The following KIF24 variants were observed in gnomAD, a reference collection of about 807,000 sequenced individuals.
KIF24 encodes kinesin-like protein KIF24.
In KIF24, 81 loss-of-function variants were observed where a neutral mutation model predicts 118.9. The ratio of observed to expected loss-of-function variants is 0.68; its 90% confidence interval spans 0.57 to 0.82. KIF24 has a LOEUF of 0.82. KIF24 is among the 40% of genes least tolerant of loss of function. The pLI is 0.00. For synonymous variants in KIF24, 599 were observed against 610.0 expected, an observed-to-expected ratio of 0.98 and a Z score of 0.27; for missense variants, 1,560 against 1,661.6, an observed-to-expected ratio of 0.94 and a Z score of 1.06.
At chr9:34,298,992 T>G (rs1836590054) in intron 3 of KIF24, among the ~76,000 whole-genome samples, 1 of 152,072 alleles carries the variant, frequency 6.6e-6, no homozygotes, top group Non-Finnish European at 1.5e-5. Context: ...CTGTAATTAT[T>G]TCCATAATTT....
Position 34,311,359 on chromosome 9 carries a change from G to T in KIF24, c.-13C>A. 1 of 1,533,272 alleles carries T rather than the reference G, an allele frequency of 6.5e-7. No homozygotes were observed. The highest frequency in any genetic ancestry group is 8.8e-7 in the Non-Finnish European group (1 of 1,139,636). 95.0% of individuals were successfully genotyped at this position (1,533,272 alleles called of 1,614,324 possible). A position where few individuals can be genotyped will look rare whatever the true frequency, so the allele number is the denominator to read the frequency against. On this transcript the variant is annotated 5_prime_UTR_variant, in exon 2 of 13. Coordinates refer to ENST00000402558, the MANE Select transcript of KIF24 (RefSeq NM_194313.4). ...ACCAGGATGCCATTTTGGTGAATAGGTTTCTATAAACTCTGAAGAGAGAAA... is the reference window on the plus strand; with the variant it reads ...ACCAGGATGCCATTTTGGTGAATAGTTTTCTATAAACTCTGAAGAGAGAAA...
chr9:34,290,417 A>G (rs1836212807), intron 4 of KIF24, 28 bp from the exon 5 acceptor site: 1 of 1,387,390 alleles, frequency 7.2e-7, no homozygotes, highest in African/African-American at 1.4e-5. Flanking sequence ...TGCATTACTT[A>G]TGCATATTAA....
intron 1 of KIF24, among the ~76,000 whole-genome samples, chr9:34,325,622 G>C (rs1043103852): frequency 2.0e-5 from 3 of 151,828 alleles, no homozygotes; most frequent in African/African-American, 4.8e-5. Flanking sequence ...AACCTGGGAG[G>C]AAGAGGTTGC....
intron 1 of KIF24, among the ~76,000 whole-genome samples, chr9:34,315,936 G>A (rs898331424): frequency 2.7e-5 from 4 of 150,722 alleles, no homozygotes; most frequent in Non-Finnish European, 4.4e-5. Context: ...GGCTGAGGTA[G>A]GAGAATCACT....
intron 1 of KIF24, among the ~76,000 whole-genome samples, chr9:34,311,786 A>G (rs893406017): frequency 6.0e-5 from 9 of 149,276 alleles, no homozygotes; most frequent in Non-Finnish European, 8.9e-5. Context: ...ACACATATAT[A>G]TACACACACA....
chr9:34,295,194 T>TAGACAGACACAC (rs1554664266), intron 4 of KIF24, among the ~76,000 whole-genome samples: 1 of 149,578 alleles, frequency 6.7e-6, no homozygotes, highest in Non-Finnish European at 1.5e-5. Context: ...GATGGATGGA[T>TAGACAGACACAC]AGACAGACAG....
Position 34,257,292 on chromosome 9 carries a change from T to C in KIF24, c.2315A>G (p.Gln772Arg), listed in dbSNP as rs982383284. 5.0e-6 allele frequency: 8 copies of C among 1,614,048 alleles called. No homozygotes were observed. The Admixed American group carries it at 8.3e-5, about 17-fold the overall frequency. The change falls in exon 11 of 13, where the codon CAA becomes CGA. Residue 772 changes from glutamine to arginine, a missense_variant. Physicochemically the swap from Gln to Arg is conservative, Grantham distance 43. This residue lies in a region of KIF24 where 964 missense variants were observed against 988.0 expected (regional missense o/e 0.98). Transcript: ENST00000402558. ...EHLRFYHQQF[Q>R]QPPLLQQKLK... is the part of the protein sequence containing the mutation. ...CTTCTGTTGGAGGAGAGGTGGCTGT[T>C]GGAACTGCTGGTGATAGAAACGCAG...
chr9:34,266,121 G>A (rs192959425), intron 8 of KIF24, among the ~76,000 whole-genome samples: 55 of 152,238 alleles, frequency 3.6e-4, no homozygotes, highest in African/African-American at 1.3e-3. Flanking sequence ...TCAAACTCCT[G>A]GGCTCGAGTG....
At chr9:34,306,215 T>C in intron 3 of KIF24, 37 bp downstream of exon 3, 2 of 1,363,172 alleles carry the variant, frequency 1.5e-6, no homozygotes, top group Non-Finnish European at 2.0e-6. Context: ...ACATACTTGA[T>C]AATATTAGTT....
intron 9 of KIF24, among the ~76,000 whole-genome samples, chr9:34,262,344 C>G (rs191472163): frequency 1.5e-4 from 23 of 152,152 alleles, no homozygotes; most frequent in African/African-American, 5.5e-4. Context: ...TCTGCCCCTT[C>G]CTAAAGTCCT....
intron 2 of KIF24, among the ~76,000 whole-genome samples, chr9:34,308,387 G>A (rs941294140): frequency 4.0e-5 from 6 of 151,736 alleles, no homozygotes; most frequent in Admixed American, 1.3e-4. Context: ...GGGTTCAAGC[G>A]ATTTTCCTAC....
chr9:34,259,648 G>C lies in KIF24; in HGVS notation c.1573C>G (p.Pro525Ala), dbSNP rs555659665. ...AKTCMIANIS[P>A]SHVATEHTLN... ...GTGTGTTCAGTGGCCACGTGGCTTG[G>C]TGAGATGTTGGCGATCATGCAGGTT... The change falls in exon 10 of 13, where the codon CCA (proline) becomes GCA (alanine). Residue 525 changes from proline (P) to alanine (A), a missense_variant. Coordinates refer to ENST00000402558, the MANE Select transcript of KIF24 (RefSeq NM_194313.4). The C allele has an allele frequency of 3.1e-6, 5 of 1,613,964 alleles. No homozygotes were observed. The South Asian group carries it at 5.5e-5, about 18-fold the overall frequency.
In KIF24 at chr9:34,257,193, G is replaced by A. The variant is rs373496914; in HGVS notation, c.2414C>T (p.Pro805Leu). 2.0e-5 allele frequency: 32 copies of A among 1,614,022 alleles called. No homozygotes were observed. In the Middle Eastern group the frequency reaches 4.9e-4, roughly 25 times the overall value. Residue 805 changes from proline (P) to leucine (L), a missense_variant, in exon 11 of 13, where the codon CCG becomes CTG. Physicochemically the swap from Pro to Leu is moderately conservative, Grantham distance 98. Transcript: ENST00000402558. ...TTCAGAGTAAGAGTGGAACAGAGGC[G>A]GAGTCTCATTCGTGAGCTGACCCTC... The part of the protein sequence containing the change: ...PPEGQLTNET[P>L]PLFHSYSENH...
rs1398874290 is a variant in KIF24, at chr9:34,268,512, T to TC, written c.1443+744_1443+745insG. The stretch of plus-strand genomic sequence containing the variant: ...CATGATGACTAGGATTTTCTTTCTT[T>TC]TTTTTTTTTTTTTGAGACTGAGTCT... On this transcript the variant is annotated intron_variant, in intron 8 of 12. Coordinates refer to ENST00000402558, the MANE Select transcript of KIF24 (RefSeq NM_194313.4). 6.7e-4 allele frequency among the ~76,000 whole-genome samples: 99 copies of TC among 147,060 alleles called. 1 individual carries two copies. Among genetic ancestry groups the TC allele is most frequent in the African/African-American group, 2.4e-3 (94 of 39,634 alleles).
chr9:34,280,652 C>G (rs1587933635), intron 6 of KIF24, among the ~76,000 whole-genome samples: 1 of 152,238 alleles, frequency 6.6e-6, no homozygotes, highest in South Asian at 2.1e-4. Flanking sequence ...TGTTCTGTAC[C>G]TACCTTTGCA....
rs1350488845 is a variant in KIF24, at chr9:34,318,158, A to G, written c.-25-6787T>C. Among the ~76,000 whole-genome samples, 1 of 151,920 alleles carries G rather than the reference A, an allele frequency of 6.6e-6. No homozygotes were observed. Among genetic ancestry groups the G allele is most frequent in the Non-Finnish European group, 1.5e-5 (1 of 67,998 alleles). ...GTGGTTTAACAAGATAAATACATGA[A>G]TAATGCAGCCTGGGCAACATAGTGA... On this transcript the variant is annotated intron_variant, in intron 1 of 12. Coordinates refer to ENST00000402558, the MANE Select transcript of KIF24 (RefSeq NM_194313.4). This position sits in a 1 kb window ranked among gnomAD's most constrained non-coding sequence, Gnocchi z 4.9.
rs945677259 is a variant in KIF24 at position 34,313,760 on chromosome 9, T to G, written c.-25-2389A>C. On this transcript the variant is annotated intron_variant, in intron 1 of 12. Coordinates refer to ENST00000402558, the MANE Select transcript of KIF24 (RefSeq NM_194313.4). ...TCTGTTTTTTTTTTTTTGTTTTTTT[T>G]TTTTTGAGGGATGGTCTTGCTCTGT... is the stretch of plus-strand genomic sequence containing the variant. 1.2e-4 allele frequency among the ~76,000 whole-genome samples: 18 copies of G among 150,366 alleles called. No individual in the cohort carries two copies. The South Asian group carries it at 2.5e-3, about 21-fold the overall frequency.
At chr9:34,300,062 A>G (rs559881469) in intron 3 of KIF24, among the ~76,000 whole-genome samples, 1 of 152,286 alleles carries the variant, frequency 6.6e-6, no homozygotes, top group African/African-American at 2.4e-5. Flanking sequence ...CTCTACCCCC[A>G]GTTTGAATCT....
rs371161721 is a variant in KIF24 at position 34,255,097 on chromosome 9, G to A, written c.3941C>T (p.Thr1314Met). The stretch of plus-strand genomic sequence containing the variant: ...ATTAGAAGCCAGCTGGCTCATCAGC[G>A]TCTCCTCCTTGAAGCCGAGCTCAGC... ...EMAELGFKEE[T>M]LMSQLASNDF... The change falls in exon 12 of 13, where the codon ACG becomes ATG. Residue 1314 changes from threonine (T) to methionine (M), a missense_variant. Thr to Met is a moderately conservative substitution (Grantham distance 81). This residue lies in a region of KIF24 where 591 missense variants were observed against 655.6 expected (regional missense o/e 0.90). Coordinates refer to ENST00000402558, the MANE Select transcript of KIF24 (RefSeq NM_194313.4). 7 of 1,594,510 alleles carry A rather than the reference G, an allele frequency of 4.4e-6. No homozygotes were observed. Among genetic ancestry groups the A allele is most frequent in the South Asian group, 3.4e-5 (3 of 87,564 alleles).
Sources: allele counts gnomAD v4.1 joint callset (sites outside exome capture counted in the v4.1 genomes callset), GRCh38; gene constraint gnomAD v4.1.1; regional missense constraint gnomAD v4.1.1; non-coding constraint Gnocchi (gnomAD v3.1); transcripts MANE v1.5; gene names NCBI Gene and HGNC (gene_info 2026-07-23, HGNC 2026-07-21).